Variants in BCL9 observed in about 807,000 individuals in gnomAD.
The protein encoded by BCL9 is B-cell CLL/lymphoma 9 protein.
Under a neutral mutation model 88.5 loss-of-function variants are expected in BCL9, and 25 were observed. The ratio of observed to expected loss-of-function variants is 0.28; its 90% CI spans 0.21 to 0.39. BCL9 has a LOEUF of 0.39. Among genes scored for constraint, BCL9 ranks in the 10% least tolerant of loss-of-function variants. The pLI, the probability that BCL9 is intolerant of heterozygous loss-of-function variation, is 1.00. For synonymous variants in BCL9, 711 were observed against 673.3 expected, an observed-to-expected ratio of 1.06 and a Z score of -0.87; for missense variants, 1,817 against 1,877.8, an observed-to-expected ratio of 0.97 and a Z score of 0.60.
intron 1 of BCL9, among the ~76,000 whole-genome samples, chr1:147,582,549 A>G (rs1553198761): frequency 1.3e-5 from 2 of 152,200 alleles, no homozygotes; most frequent in Non-Finnish European, 2.9e-5. Context: ...CTAGGACCCG[A>G]GGGCCGAATC....
chr1:147,545,222 G>A (rs1340181589), intron 1 of BCL9, among the ~76,000 whole-genome samples: 2 of 152,144 alleles, frequency 1.3e-5, no homozygotes, highest in African/African-American at 2.4e-5. Context: ...AACCTAAACC[G>A]GAGCTTGCCA....
At chr1:147,549,946 C>G (rs1190991800) in intron 1 of BCL9, among the ~76,000 whole-genome samples, 1 of 152,136 alleles carries the variant, frequency 6.6e-6, no homozygotes, top group Non-Finnish European at 1.5e-5. Flanking sequence ...TTTGACTTGT[C>G]AAGAGCCCCA....
chr1:147,619,659 G>A lies in BCL9; in HGVS notation c.1504G>A (p.Val502Ile), dbSNP rs1553204685. 3 of 1,614,108 alleles carry A rather than the reference G, an allele frequency of 1.9e-6. No homozygotes were observed. The South Asian group carries it at 3.3e-5, about 18-fold the overall frequency. The change falls in exon 8 of 10, where the codon GTC becomes ATC. Residue 502 changes from valine (V) to isoleucine (I), a missense_variant. By Grantham distance (29) the Val-to-Ile change is conservative. Coordinates refer to ENST00000234739, the MANE Select transcript of BCL9 (RefSeq NM_004326.4). The surrounding 1 kb of genome is among the most constrained non-coding windows in gnomAD (Gnocchi z 4.1). ...VQQCSLQDMM[V>I]HQHGPRGVVR... is the part of the protein sequence containing the mutation. ...GCAGTGTTCCCTCCAGGACATGATGGTCCATCAGCACGGGCCTCGGGGAGT... is the reference window on the plus strand; with the variant it reads ...GCAGTGTTCCCTCCAGGACATGATGATCCATCAGCACGGGCCTCGGGGAGT...
At chr1:147,615,748 CA>C in intron 6 of BCL9, 54 bp from the exon 7 acceptor site, 1 of 1,421,258 alleles carries the variant, frequency 7.0e-7, no homozygotes, top group Non-Finnish European at 9.9e-7. Context: ...TTTGGAATTA[CA>C]GTTAGTGAAA....
rs184492873 is a variant in BCL9, at chr1:147,619,173, G to A, written c.1018G>A (p.Glu340Lys). 17 of 1,613,312 alleles carry A rather than the reference G, an allele frequency of 1.1e-5. No individual in the cohort carries two copies. The highest frequency in any genetic ancestry group is 8.9e-5 in the East Asian group (4 of 44,868). Residue 340 changes from glutamate (E) to lysine (K), a missense_variant, in exon 8 of 10, where the codon GAG becomes AAG. Transcript: ENST00000234739. The surrounding 1 kb of genome is among the most constrained non-coding windows in gnomAD (Gnocchi z 4.1). ...APPPPPVSSG[E>K]PPTLGENPDG... ...TCCGCCTCCACCAGTGTCCAGTGGC[G>A]AGCCCCCCACACTGGGAGAGAATCC...
rs781918086 is a variant in BCL9 at position 147,619,664 on chromosome 1, T to A, written c.1509T>A (p.His503Gln). 3 of 1,614,034 alleles carry A rather than the reference T, an allele frequency of 1.9e-6. No individual in the cohort carries two copies. The Admixed American group carries it at 5.0e-5, about 27-fold the overall frequency. ...QQCSLQDMMV[H>Q]QHGPRGVVRG... Reference sequence around the variant, plus strand: ...GTTCCCTCCAGGACATGATGGTCCATCAGCACGGGCCTCGGGGAGTGGTCC... The same window carrying A: ...GTTCCCTCCAGGACATGATGGTCCAACAGCACGGGCCTCGGGGAGTGGTCC... Residue 503 changes from histidine (H) to glutamine (Q), a missense_variant, in exon 8 of 10, where the codon CAT (histidine) becomes CAA (glutamine). His to Gln is a conservative substitution (Grantham distance 24, BLOSUM62 0). This residue lies in a region of BCL9 where 1,228 missense variants were observed against 1,191.6 expected (regional missense o/e 1.03). Coordinates refer to ENST00000234739, the MANE Select transcript of BCL9 (RefSeq NM_004326.4). This position sits in a 1 kb window ranked among gnomAD's most constrained non-coding sequence, Gnocchi z 4.1.
At position 147,620,892 on chromosome 1, in the gene BCL9, TCTG is replaced by T; in HGVS notation, c.2746_2748del (p.Ala916del). ...CATTAAGTCCCCCCCTGTTTTGGGG[TCTG>T]CTGCTGCTTCACCTGTCCACCTCAA... On this transcript the variant is annotated inframe_deletion, in exon 8 of 10. Coordinates refer to ENST00000234739, the MANE Select transcript of BCL9 (RefSeq NM_004326.4). 6.2e-7 allele frequency: 1 copy of T among 1,613,904 alleles called. No homozygotes were observed. The highest frequency in any genetic ancestry group is 8.5e-7 in the Non-Finnish European group (1 of 1,179,984).
intron 1 of BCL9, among the ~76,000 whole-genome samples, chr1:147,545,847 A>C (rs1654547215): frequency 6.6e-6 from 1 of 152,208 alleles, no homozygotes; most frequent in Non-Finnish European, 1.5e-5. Flanking sequence ...CTGTGAATTA[A>C]ACAGTATTGT....
At chr1:147,564,114 C>T (rs782582191) in intron 1 of BCL9, among the ~76,000 whole-genome samples, 3 of 152,078 alleles carry the variant, frequency 2.0e-5, no homozygotes, top group East Asian at 1.9e-4. Flanking sequence ...AACAGAATCG[C>T]GGCTGTGCCA....
chr1:147,597,478 T>C (rs1358505711), intron 1 of BCL9, among the ~76,000 whole-genome samples: 4 of 152,198 alleles, frequency 2.6e-5, no homozygotes, highest in African/African-American at 9.6e-5. Context: ...TGATTTCTTA[T>C]CTTAAAATTT....
chr1:147,618,879 G>T lies in BCL9; in HGVS notation c.724G>T (p.Ala242Ser), dbSNP rs782563319. ...KPLPQQPPAP[A>S]NQDQNSSQNT... ...TCTCCCACAACAGCCCCCAGCTCCG[G>T]CCAACCAGGACCAGAATTCTTCCCA... Residue 242 changes from alanine to serine, a missense_variant, in exon 8 of 10, where the codon GCC becomes TCC. Physicochemically the swap from Ala to Ser is moderately conservative, Grantham distance 99 (BLOSUM62 1). Coordinates refer to ENST00000234739, the MANE Select transcript of BCL9 (RefSeq NM_004326.4). The T allele has an allele frequency of 9.9e-6, 16 of 1,608,810 alleles. No homozygotes were observed. The highest frequency in any genetic ancestry group is 1.3e-5 in the Non-Finnish European group (15 of 1,177,306).
chr1:147,558,532 C>G (rs1022285334), intron 1 of BCL9, among the ~76,000 whole-genome samples: 3 of 152,112 alleles, frequency 2.0e-5, no homozygotes, highest in African/African-American at 7.2e-5. Context: ...CCCCAAGGAA[C>G]CACACACGCT....
At chr1:147,580,063 A>G (rs1221996136) in intron 1 of BCL9, among the ~76,000 whole-genome samples, 1 of 152,122 alleles carries the variant, frequency 6.6e-6, no homozygotes, top group Non-Finnish European at 1.5e-5. Flanking sequence ...TGCCTAAGCG[A>G]TGTACAACAT....
intron 1 of BCL9, among the ~76,000 whole-genome samples, chr1:147,553,322 T>C (rs1247446621): frequency 1.3e-5 from 2 of 152,204 alleles, no homozygotes; most frequent in Non-Finnish European, 2.9e-5. Context: ...ACTCTGCAGA[T>C]GGACATTAGA....
chr1:147,576,404 C>G (rs1468222404), intron 1 of BCL9, among the ~76,000 whole-genome samples: 1 of 152,116 alleles, frequency 6.6e-6, no homozygotes, highest in Non-Finnish European at 1.5e-5. Context: ...GGTAAAACAC[C>G]GGAGTGCACA....
At chr1:147,598,088 T>C (rs1553200661) in intron 1 of BCL9, among the ~76,000 whole-genome samples, 1 of 152,238 alleles carries the variant, frequency 6.6e-6, no homozygotes, top group African/African-American at 2.4e-5. Context: ...TCTTTCCACC[T>C]ACATTAGCAA....
chr1:147,624,336 C>T lies in BCL9; in HGVS notation c.3658C>T (p.Leu1220=), dbSNP rs1553206085. 2.5e-6 allele frequency: 4 copies of T among 1,614,206 alleles called. No homozygotes were observed. Among genetic ancestry groups the T allele is most frequent in the Non-Finnish European group, 3.4e-6 (4 of 1,180,032 alleles). ...GCCTTCGGTGTTTACAGACCCAGATCTGCAGGAGGTCATCCGACCTGGAGC... is the reference window on the plus strand; with the variant it reads ...GCCTTCGGTGTTTACAGACCCAGATTTGCAGGAGGTCATCCGACCTGGAGC... ...SMPSVFTDPD[L]QEVIRPGATG... is the part of the protein sequence containing the mutation. Residue 1220 remains leucine (L), a synonymous_variant, in exon 10 of 10, where the codon CTG becomes TTG. Coordinates refer to ENST00000234739, the MANE Select transcript of BCL9 (RefSeq NM_004326.4). The surrounding 1 kb of genome is among the most constrained non-coding windows in gnomAD (Gnocchi z 4.4).
At chr1:147,547,728 T>G (rs1253439792) in intron 1 of BCL9, among the ~76,000 whole-genome samples, 1 of 152,168 alleles carries the variant, frequency 6.6e-6, no homozygotes, top group Non-Finnish European at 1.5e-5. Context: ...TAAGAGAAAT[T>G]TATTGTTAAC....
At chr1:147,567,525 A>T (rs587751179) in intron 1 of BCL9, among the ~76,000 whole-genome samples, 3 of 152,302 alleles carry the variant, frequency 2.0e-5, no homozygotes, top group African/African-American at 7.2e-5. Context: ...CCAGTCATTT[A>T]TTTTTAAGTC....
Sources: gnomAD v4.1 joint callset for allele counts (sites outside exome capture counted in the v4.1 genomes callset) on GRCh38, gnomAD v4.1.1 for gene constraint, gnomAD v4.1.1 regional missense constraint, Gnocchi (gnomAD v3.1) non-coding constraint, MANE v1.5 for transcripts, NCBI Gene and HGNC (gene_info 2026-07-23, HGNC 2026-07-21) for gene names.